Variants in TJP2 observed in about 807,000 individuals in gnomAD.
TJP2 encodes the protein tight junction protein 2, also known as Friedreich ataxia region gene X104 (tight junction protein ZO-2).
In TJP2, 91 loss-of-function variants were observed where a neutral mutation model predicts 133.1. The observed-to-expected ratio is 0.68, with a 90% confidence interval of 0.58 to 0.81. TJP2 has a LOEUF of 0.81. Among genes scored for constraint, TJP2 ranks in the 40% least tolerant of loss-of-function variants. TJP2 has a pLI of 0.00. For synonymous variants in TJP2, 592 were observed against 583.4 expected (o/e 1.01, Z -0.21); for missense variants, 1,541 against 1,565.6 (o/e 0.98, Z 0.26).
chr9:69,253,789 G>A (rs1831512549), intron 22 of TJP2: 1 of 295,664 alleles, frequency 3.4e-6, no homozygotes, highest in Non-Finnish European at 6.6e-6. Flanking sequence ...GTTTTCCAGT[G>A]ATAGAAAACT....
At chr9:69,220,435 T>C (rs758950701) in intron 4 of TJP2, among the ~76,000 whole-genome samples, 1 of 152,256 alleles carries the variant, frequency 6.6e-6, no homozygotes, top group African/African-American at 2.4e-5. Context: ...AGTAGATTCC[T>C]GTAAGCTGTA....
At chr9:69,133,180 T>C (rs945423329) in intron 1 of TJP2, among the ~76,000 whole-genome samples, 3 of 152,210 alleles carry the variant, frequency 2.0e-5, no homozygotes, top group African/African-American at 7.2e-5. Flanking sequence ...CAGCCTGGTC[T>C]CGAACGCTTG....
At chr9:69,148,830 A>C (rs1186484339) in intron 1 of TJP2, among the ~76,000 whole-genome samples, 1 of 152,202 alleles carries the variant, frequency 6.6e-6, no homozygotes, top group Non-Finnish European at 1.5e-5. Flanking sequence ...ACACATGTGT[A>C]TATTTGCCCA....
intron 1 of TJP2, among the ~76,000 whole-genome samples, chr9:69,210,157 C>T (rs758908316): frequency 4.6e-5 from 7 of 151,712 alleles, no homozygotes; most frequent in East Asian, 2.0e-4. Context: ...GGTGTGGTGG[C>T]GCACAACTGT....
At chr9:69,133,730 T>G (rs936807392) in intron 1 of TJP2, among the ~76,000 whole-genome samples, 2 of 151,808 alleles carry the variant, frequency 1.3e-5, no homozygotes, top group South Asian at 4.2e-4. Context: ...TTTATATTTT[T>G]AGTACAGACA....
At chr9:69,253,140 G>A in intron 22 of TJP2, 1 of 560,412 alleles carries the variant, frequency 1.8e-6, no homozygotes, top group Non-Finnish European at 3.2e-6. Context: ...TTTCCAGCCA[G>A]TACATTTGAC....
chr9:69,188,530 T>C (rs1826002579), intron 1 of TJP2, among the ~76,000 whole-genome samples: 1 of 152,202 alleles, frequency 6.6e-6, no homozygotes, highest in African/African-American at 2.4e-5. Context: ...GTGTTGATTA[T>C]TAGGAGTTTA....
chr9:69,162,854 A>C (rs1824152182), intron 2 of TJP2, among the ~76,000 whole-genome samples: 1 of 152,238 alleles, frequency 6.6e-6, no homozygotes, highest in Non-Finnish European at 1.5e-5. Context: ...CTTACTGCAT[A>C]GTTTGAGTGA....
intron 4 of TJP2, 118 bp downstream of exon 4, chr9:69,218,477 C>T (rs555118673): frequency 2.6e-6 from 2 of 764,428 alleles, no homozygotes; most frequent in Non-Finnish European, 4.6e-6. Context: ...GACCGCTGTT[C>T]TTGGATCCTC....
intron 20 of TJP2, among the ~76,000 whole-genome samples, chr9:69,250,579 T>C (rs1831258758): frequency 6.6e-6 from 1 of 152,166 alleles, no homozygotes; most frequent in Non-Finnish European, 1.5e-5. Flanking sequence ...CGTGAAGCAG[T>C]GCTCTCCTCG....
chr9:69,226,641 G>C (rs2133318393), intron 7 of TJP2, among the ~76,000 whole-genome samples: 1 of 152,204 alleles, frequency 6.6e-6, no homozygotes, highest in South Asian at 2.1e-4. Context: ...TGGGATTATG[G>C]GCGCCTGCCA....
Position 69,203,593 on chromosome 9 carries a change from G to A in TJP2, c.61-8955G>A, listed in dbSNP as rs1276908031. ...TGCTGGGATTATAGGCATGAGCCAC[G>A]GTGCCCAGCCTGGATTTTTTTTTTT... On this transcript the variant is annotated intron_variant, in intron 1 of 22. Coordinates refer to ENST00000377245, the MANE Select transcript of TJP2 (RefSeq NM_004817.4). 3.6e-5 allele frequency among the ~76,000 whole-genome samples: 5 copies of A among 140,184 alleles called. No homozygotes were observed. In the South Asian group the frequency reaches 1.2e-3, roughly 33 times the overall value. 92.0% of individuals were successfully genotyped at this position (140,184 alleles called of 152,430 possible).
In TJP2 at chr9:69,180,389, A is replaced by G. The variant is rs575337844; in HGVS notation, c.60+5957A>G. ...TACTTTCTAGTCATCAGTAGGAATT[A>G]ACTCTTCCAGGACATGTAGCTTCAA... On this transcript the variant is annotated intron_variant, in intron 1 of 22. Coordinates refer to ENST00000377245, the MANE Select transcript of TJP2 (RefSeq NM_004817.4). Among the ~76,000 whole-genome samples, 3 of 152,324 alleles carry G rather than the reference A, an allele frequency of 2.0e-5. No individual in the cohort carries two copies. In the East Asian group the frequency reaches 5.8e-4, roughly 29 times the overall value.
chr9:69,246,738 A>T lies in TJP2; in HGVS notation c.2615A>T (p.Lys872Met), dbSNP rs1310649785. Residue 872 changes from lysine (K) to methionine (M), a missense_variant, in exon 18 of 23, where the codon AAG becomes ATG. Transcript: ENST00000377245. ...AATGATAGCTGGTTTGGCAGCTTAA[A>T]GGACACTATTCAGCATCAGCAAGGA... ...SANDSWFGSLKDTIQHQQGEA... is the reference protein window; with the variant it reads ...SANDSWFGSLMDTIQHQQGEA... 6.2e-7 allele frequency: 1 copy of T among 1,614,168 alleles called. No individual in the cohort carries two copies. Among genetic ancestry groups the T allele is most frequent in the East Asian group, 2.2e-5 (1 of 44,876 alleles).
At chr9:69,130,514 G>A (rs1164632682) in intron 1 of TJP2, among the ~76,000 whole-genome samples, 3 of 152,002 alleles carry the variant, frequency 2.0e-5, no homozygotes, top group Admixed American at 1.3e-4. Flanking sequence ...TCAAGAATCT[G>A]TGTCTCTAAC....
chr9:69,249,370 T>G lies in TJP2; in HGVS notation c.2881-5T>G. On this transcript the variant is annotated splice_region_variant and splice_polypyrimidine_tract_variant and intron_variant, in intron 19 of 22. Coordinates refer to ENST00000377245, the MANE Select transcript of TJP2 (RefSeq NM_004817.4). ...TTGTTGTGAATGAACCTTTATGTCT[T>G]GTAGAGCATAAGGAAACCCAGCCCA... 1 of 1,605,044 alleles carries G rather than the reference T, an allele frequency of 6.2e-7. No homozygotes were observed. Among genetic ancestry groups the G allele is most frequent in the African/African-American group, 1.3e-5 (1 of 74,834 alleles).
At chr9:69,121,840 C>T in intron 1 of TJP2, 1 of 152,524 alleles carries the variant, frequency 6.6e-6, no homozygotes, top group Non-Finnish European at 1.5e-5. Context: ...GCCTTCCCTC[C>T]TGTCCCGACT....
At chr9:69,133,408 T>C (rs1295624891) in intron 1 of TJP2, among the ~76,000 whole-genome samples, 1 of 152,188 alleles carries the variant, frequency 6.6e-6, no homozygotes, top group Non-Finnish European at 1.5e-5. Context: ...AAGACTGGCG[T>C]CTGCTGCATC....
At chr9:69,211,289 A>T (rs1248000961) in intron 1 of TJP2, among the ~76,000 whole-genome samples, 1 of 152,230 alleles carries the variant, frequency 6.6e-6, no homozygotes, top group Non-Finnish European at 1.5e-5. Context: ...GTGAGTGAAG[A>T]TCACGCCACT....
Sources: gnomAD v4.1 joint callset for allele counts (sites outside exome capture counted in the v4.1 genomes callset) on GRCh38, gnomAD v4.1.1 for gene constraint, MANE v1.5 for transcripts, NCBI Gene and HGNC (gene_info 2026-07-23, HGNC 2026-07-21) for gene names.